DPYD: variants seen among roughly 807,000 people sequenced by gnomAD.
The protein encoded by DPYD is dihydropyrimidine dehydrogenase [NADP(+)].
Under a neutral mutation model 116.2 loss-of-function variants are expected in DPYD, and 109 were observed. The ratio of observed to expected loss-of-function variants is 0.94; its 90% CI spans 0.80 to 1.10. The LOEUF is 1.10. Among genes scored for constraint, DPYD ranks in the 50% least tolerant of loss-of-function variants. The pLI is 0.00. For missense variants in DPYD, 1,302 were observed against 1,254.5 expected, an observed-to-expected ratio of 1.04 and a Z score of -0.57; for synonymous variants, 440 against 432.0, an observed-to-expected ratio of 1.02 and a Z score of -0.23.
At chr1:97,416,008 T>C (rs899200531) in intron 14 of DPYD, among the ~76,000 whole-genome samples, 1 of 152,164 alleles carries the variant, frequency 6.6e-6, no homozygotes, top group Admixed American at 6.5e-5. Flanking sequence ...AAGGTAACTA[T>C]TCAATAATAC....
At chr1:97,863,634 C>T (rs1020438753) in intron 2 of DPYD, among the ~76,000 whole-genome samples, 5 of 151,754 alleles carry the variant, frequency 3.3e-5, no homozygotes, top group Admixed American at 2.0e-4. Context: ...TTAAATTCTG[C>T]CTTGTATGTA....
intron 20 of DPYD, 104 bp downstream of exon 20, chr1:97,192,965 C>T: frequency 7.8e-7 from 1 of 1,282,646 alleles, no homozygotes; most frequent in Non-Finnish European, 1.1e-6. Flanking sequence ...ATCCAGGAGG[C>T]ACTGTGTTTC....
intron 7 of DPYD, chr1:97,691,438 A>C (rs1443388446): frequency 6.1e-6 from 2 of 327,606 alleles, no homozygotes; most frequent in Admixed American, 9.0e-5. Context: ...TATTAGCTGC[A>C]CTGAACCCCT....
intron 20 of DPYD, among the ~76,000 whole-genome samples, chr1:97,114,244 T>C (rs1274373242): frequency 1.3e-5 from 2 of 152,118 alleles, no homozygotes; most frequent in Admixed American, 6.6e-5. Flanking sequence ...GTTAAGTCCA[T>C]ACCTGAAAAC....
At chr1:97,444,520 G>T (rs964991532) in intron 14 of DPYD, among the ~76,000 whole-genome samples, 2 of 152,096 alleles carry the variant, frequency 1.3e-5, no homozygotes, top group African/African-American at 4.8e-5. Context: ...TAGGTCAAGA[G>T]CCATAAATAA....
At chr1:97,789,855 T>C (rs1205459502) in intron 3 of DPYD, among the ~76,000 whole-genome samples, 2 of 152,214 alleles carry the variant, frequency 1.3e-5, no homozygotes, top group African/African-American at 4.8e-5. Context: ...TCTCAGCTAG[T>C]TATTAGCATG....
At chr1:97,536,216 C>T (rs977428680) in intron 12 of DPYD, among the ~76,000 whole-genome samples, 16 of 152,144 alleles carry the variant, frequency 1.1e-4, no homozygotes. Context: ...AGCATGGAAA[C>T]AGCATTTAGC....
intron 18 of DPYD, among the ~76,000 whole-genome samples, chr1:97,298,850 T>G (rs1666695636): frequency 6.6e-6 from 1 of 152,140 alleles, no homozygotes; most frequent in Non-Finnish European, 1.5e-5. Flanking sequence ...ATGACTGTAT[T>G]ACAGCTGCCT....
intron 12 of DPYD, among the ~76,000 whole-genome samples, chr1:97,525,081 T>C (rs1439866002): frequency 6.6e-6 from 1 of 152,180 alleles, no homozygotes; most frequent in Non-Finnish European, 1.5e-5. Context: ...TTTTTCCAAA[T>C]ATATTACGTT....
chr1:97,266,167 A>G (rs1664213675), intron 18 of DPYD, among the ~76,000 whole-genome samples: 1 of 152,196 alleles, frequency 6.6e-6, no homozygotes, highest in Admixed American at 6.5e-5. Context: ...AATTTCAGGG[A>G]TATCCTGTGT....
At chr1:97,246,108 T>C (rs1557969053) in intron 18 of DPYD, among the ~76,000 whole-genome samples, 1 of 152,154 alleles carries the variant, frequency 6.6e-6, no homozygotes, top group African/African-American at 2.4e-5. Flanking sequence ...ATGCTCACTC[T>C]AAAACTGACC....
chr1:97,427,639 C>G (rs898588722), intron 14 of DPYD, among the ~76,000 whole-genome samples: 24 of 151,742 alleles, frequency 1.6e-4, no homozygotes, highest in African/African-American at 4.8e-4. Context: ...CAGCAGTGGT[C>G]TGTTCCCATA....
At chr1:97,553,811 C>T (rs1041207711) in intron 11 of DPYD, among the ~76,000 whole-genome samples, 17 of 152,044 alleles carry the variant, frequency 1.1e-4, no homozygotes, top group African/African-American at 4.1e-4. Flanking sequence ...GAAAAAGAAT[C>T]CCAAAACATG....
intron 1 of DPYD, among the ~76,000 whole-genome samples, chr1:97,895,956 T>C (rs1178061693): frequency 6.6e-6 from 1 of 151,738 alleles, no homozygotes. Flanking sequence ...AATATCTCAC[T>C]TAAAATAATT....
intron 18 of DPYD, among the ~76,000 whole-genome samples, chr1:97,282,341 C>CA (rs1337135530): frequency 6.7e-6 from 1 of 149,948 alleles, no homozygotes; most frequent in Non-Finnish European, 1.5e-5. Flanking sequence ...CAAATATTTG[C>CA]AATATTTTCA....
At chr1:97,340,907 C>G (rs957631796) in intron 16 of DPYD, among the ~76,000 whole-genome samples, 7 of 152,098 alleles carry the variant, frequency 4.6e-5, no homozygotes, top group African/African-American at 1.7e-4. Context: ...ACAAGAATAC[C>G]TTGGCAATTT....
chr1:97,165,742 C>T (rs1032056289), intron 20 of DPYD, among the ~76,000 whole-genome samples: 2 of 151,986 alleles, frequency 1.3e-5, no homozygotes, highest in Non-Finnish European at 2.9e-5. Flanking sequence ...GTAACAACCC[C>T]TTAATAAGTG....
intron 11 of DPYD, among the ~76,000 whole-genome samples, chr1:97,555,168 T>C (rs1229162190): frequency 2.0e-5 from 3 of 152,104 alleles, no homozygotes; most frequent in Admixed American, 6.6e-5. Context: ...TTGATCTTTT[T>C]TGATTTGCAG....
intron 3 of DPYD, among the ~76,000 whole-genome samples, chr1:97,805,851 C>G (rs981327990): frequency 4.6e-5 from 7 of 151,878 alleles, no homozygotes; most frequent in Admixed American, 1.3e-4. Context: ...TGGACACATA[C>G]TGAATTCAAG....
Sources: gnomAD v4.1 joint callset for allele counts (sites outside exome capture counted in the v4.1 genomes callset) on GRCh38, gnomAD v4.1.1 for gene constraint, MANE v1.5 for transcripts, NCBI Gene and HGNC (gene_info 2026-07-23, HGNC 2026-07-21) for gene names.